CD58: variants seen among roughly 807,000 people sequenced by gnomAD.
CD58 encodes the protein lymphocyte function-associated antigen 3.
A neutral mutation model predicts 27.6 loss-of-function variants in CD58; 14 were observed. That is an observed-to-expected ratio of 0.51 (90% CI 0.34 to 0.79). The LOEUF is 0.79. Ranked by LOEUF, CD58 falls within the 30% of genes least tolerant of loss-of-function variation. CD58 has a pLI of 0.02. For synonymous variants in CD58, 117 were observed against 103.8 expected (o/e 1.13, Z -0.77); for missense variants, 268 against 301.7 (o/e 0.89, Z 0.83).
At position 116,552,017 on chromosome 1, in the gene CD58, G is replaced by T. The variant is rs1658409114; in HGVS notation, c.71-7413C>A. ...GGCCTCCCAAAGTGCTGGGATTACA[G>T]TTGTGAGCCACCACGCCCGGCCACC... On this transcript the variant is annotated intron_variant, in intron 1 of 5. Transcript: ENST00000369489. The surrounding 1 kb of genome is among the most constrained non-coding windows in gnomAD (Gnocchi z 4.5). 6.6e-6 allele frequency among the ~76,000 whole-genome samples: 1 copy of T among 152,232 alleles called. No individual in the cohort carries two copies. The highest frequency in any genetic ancestry group is 6.5e-5 in the Admixed American group (1 of 15,288).
chr1:116,558,515 G>A (rs1001526165), intron 1 of CD58, among the ~76,000 whole-genome samples: 7 of 152,140 alleles, frequency 4.6e-5, no homozygotes, highest in East Asian at 1.9e-4. Flanking sequence ...ATTGAGGAGC[G>A]GCCAATCTCC....
At position 116,531,145 on chromosome 1, in the gene CD58, A is replaced by T. The variant is rs1386328568; in HGVS notation, c.628+4820T>A. On this transcript the variant is annotated intron_variant, in intron 3 of 5. Transcript: ENST00000369489. The surrounding 1 kb of genome is among the most constrained non-coding windows in gnomAD (Gnocchi z 4.5). ...CATTCCTCTTATGATCTTTTACCAG[A>T]CTATTTACAGGGAAAGTAATCTTAC... is the stretch of plus-strand genomic sequence containing the variant. Among the ~76,000 whole-genome samples, 1 of 152,220 alleles carries T rather than the reference A, an allele frequency of 6.6e-6. No homozygotes were observed. Among genetic ancestry groups the T allele is most frequent in the African/African-American group, 2.4e-5 (1 of 41,454 alleles).
chr1:116,544,612 A>G lies in CD58; in HGVS notation c.71-8T>C. 1 of 1,548,808 alleles carries G rather than the reference A, an allele frequency of 6.5e-7. No individual in the cohort carries two copies. Among genetic ancestry groups the G allele is most frequent in the Non-Finnish European group, 8.7e-7 (1 of 1,150,312 alleles). On this transcript the variant is annotated splice_polypyrimidine_tract_variant and splice_region_variant and intron_variant, in intron 1 of 5. Transcript: ENST00000369489. Reference sequence around the variant, plus strand: ...AAAAACAGCTGATGAAACCTAGGAGAGAAAAAAAAATTGGTTAGAAAAAAC... The same window carrying G: ...AAAAACAGCTGATGAAACCTAGGAGGGAAAAAAAAATTGGTTAGAAAAAAC...
chr1:116,533,776 C>T, intron 3 of CD58: 1 of 723,858 alleles, frequency 1.4e-6, no homozygotes, highest in Non-Finnish European at 2.6e-6. Context: ...AAATTCTCTT[C>T]TCTCGTCAAA....
intron 1 of CD58, among the ~76,000 whole-genome samples, chr1:116,567,177 AGAAGG>A (rs536890121): frequency 0.022 from 2,606 of 118,614 alleles, 82 homozygotes; most frequent in African/African-American, 0.058. Flanking sequence ...AAAGAAGGAA[AGAAGG>A]GAAGGGAAGG....
Position 116,521,838 on chromosome 1 carries a change from A to G in CD58, c.706+68T>C. On this transcript the variant is annotated intron_variant, in intron 4 of 5. Transcript: ENST00000369489. This position sits in a 1 kb window ranked among gnomAD's most constrained non-coding sequence, Gnocchi z 5.6. ...ATTTCAAACTTTATTTTCATCCTTAAACTATTTTCTGACCTTTGGAAAACA... is the reference window on the plus strand; with the variant it reads ...ATTTCAAACTTTATTTTCATCCTTAGACTATTTTCTGACCTTTGGAAAACA... 2 of 963,706 alleles carry G rather than the reference A, an allele frequency of 2.1e-6. No individual in the cohort carries two copies. Among genetic ancestry groups the G allele is most frequent in the Non-Finnish European group, 3.2e-6 (2 of 621,098 alleles). The allele number at this position is 963,706 out of a possible 1,614,324, so 59.7% of individuals were successfully genotyped here.
intron 3 of CD58, chr1:116,533,101 A>T: frequency 1.3e-6 from 1 of 746,980 alleles, no homozygotes; most frequent in Non-Finnish European, 2.5e-6. Context: ...AGTACAGCAC[A>T]GCCTGTGGTC....
Position 116,538,047 on chromosome 1 carries a change from C to T in CD58, c.365-1819G>A, listed in dbSNP as rs1485032988. 7.2e-5 allele frequency among the ~76,000 whole-genome samples: 11 copies of T among 152,188 alleles called. No individual in the cohort carries two copies. In the East Asian group the frequency reaches 1.2e-3, roughly 16 times the overall value. On this transcript the variant is annotated intron_variant, in intron 2 of 5. Coordinates refer to ENST00000369489, the MANE Select transcript of CD58 (RefSeq NM_001779.3). The surrounding 1 kb of genome is among the most constrained non-coding windows in gnomAD (Gnocchi z 4.7). ...CTTCTCCTCCTCCTGAATTCCTTCT[C>T]GCTCAGTTAAATAAAGTACCCAGCC...
intron 1 of CD58, among the ~76,000 whole-genome samples, chr1:116,569,241 A>T (rs1352233635): frequency 1.3e-5 from 2 of 152,208 alleles, no homozygotes; most frequent in African/African-American, 4.8e-5. Flanking sequence ...AGCCACCCGC[A>T]CATGAACTCC....
At chr1:116,549,921 G>A (rs1481578143) in intron 1 of CD58, among the ~76,000 whole-genome samples, 1 of 152,048 alleles carries the variant, frequency 6.6e-6, no homozygotes, top group Non-Finnish European at 1.5e-5. Flanking sequence ...TGGTTTCCCA[G>A]GGCATATAAA....
rs543231783 is a variant in CD58 at position 116,516,637 on chromosome 1, C to G, written c.744-1815G>C. Among the ~76,000 whole-genome samples the G allele has an allele frequency of 6.6e-6, 1 of 152,266 alleles. No homozygotes were observed. The highest frequency in any genetic ancestry group is 1.9e-4 in the East Asian group (1 of 5,176). On this transcript the variant is annotated intron_variant, in intron 5 of 5. Coordinates refer to ENST00000369489, the MANE Select transcript of CD58 (RefSeq NM_001779.3). The surrounding 1 kb of genome is among the most constrained non-coding windows in gnomAD (Gnocchi z 6.1). ...CATGTATTTGCCTCCGCTGTTTATC[C>G]CACCTGGAATGCCTTTTCTACTCCA...
At chr1:116,520,750 C>T (rs1657240557) in intron 4 of CD58, among the ~76,000 whole-genome samples, 1 of 152,136 alleles carries the variant, frequency 6.6e-6, no homozygotes, top group Admixed American at 6.5e-5. Context: ...ATATTTTATG[C>T]ATTGGGCAAT....
In CD58 at chr1:116,549,835, T is replaced by C. The variant is rs1658330044; in HGVS notation, c.71-5231A>G. ...ATAATGGATACACACAGGTATAGCTTGAAGATACCGTGGGTTTGGTCCCAG... is the reference window on the plus strand; with the variant it reads ...ATAATGGATACACACAGGTATAGCTCGAAGATACCGTGGGTTTGGTCCCAG... On this transcript the variant is annotated intron_variant, in intron 1 of 5. Transcript: ENST00000369489. Among the ~76,000 whole-genome samples, 5 of 152,160 alleles carry C rather than the reference T, an allele frequency of 3.3e-5. No individual in the cohort carries two copies. The South Asian group carries it at 1.0e-3, about 32-fold the overall frequency.
intron 1 of CD58, among the ~76,000 whole-genome samples, chr1:116,566,982 T>C (rs1231983795): frequency 2.7e-5 from 4 of 149,794 alleles, no homozygotes; most frequent in Non-Finnish European, 4.4e-5. Context: ...CTATAAAAAA[T>C]ACAAAAAAAT....
chr1:116,526,353 TAA>T (rs761535811), intron 3 of CD58, among the ~76,000 whole-genome samples: 1 of 152,200 alleles, frequency 6.6e-6, no homozygotes, highest in Non-Finnish European at 1.5e-5. Context: ...CCATTTTGAG[TAA>T]AATTTTGTGA....
chr1:116,540,454 T>C (rs574344705), intron 2 of CD58, among the ~76,000 whole-genome samples: 1 of 152,354 alleles, frequency 6.6e-6, no homozygotes, highest in Admixed American at 6.5e-5. Context: ...TTGCAGACTC[T>C]TTCTTGGACC....
In CD58 at chr1:116,552,461, C is replaced by A. The variant is rs1283647057; in HGVS notation, c.71-7857G>T. Among the ~76,000 whole-genome samples, 1 of 152,156 alleles carries A rather than the reference C, an allele frequency of 6.6e-6. No individual in the cohort carries two copies. The highest frequency in any genetic ancestry group is 2.4e-5 in the African/African-American group (1 of 41,442). On this transcript the variant is annotated intron_variant, in intron 1 of 5. Coordinates refer to ENST00000369489, the MANE Select transcript of CD58 (RefSeq NM_001779.3). The surrounding 1 kb of genome is among the most constrained non-coding windows in gnomAD (Gnocchi z 4.5). ...ATAAAGTTAGGCACTGATGGACTTG[C>A]TTAAAGCTGGGTTGTCACGAACCTT...
chr1:116,553,313 G>A (rs150158444), intron 1 of CD58, among the ~76,000 whole-genome samples: 5 of 151,848 alleles, frequency 3.3e-5, no homozygotes, highest in Non-Finnish European at 5.9e-5. Context: ...TAATGAAAGT[G>A]TTTATCTTTT....
In CD58 at chr1:116,570,886, G is replaced by A. The variant is rs1251433296; in HGVS notation, c.70+17C>T. On this transcript the variant is annotated intron_variant, in intron 1 of 5. Coordinates refer to ENST00000369489, the MANE Select transcript of CD58 (RefSeq NM_001779.3). The surrounding 1 kb of genome is among the most constrained non-coding windows in gnomAD (Gnocchi z 6.4). Reference sequence around the variant, plus strand: ...CCCGCCGGCCGGCGCGGGGCCCCTGGGGCAGGCTTCACTCACCAAAGCAGT... The same window carrying A: ...CCCGCCGGCCGGCGCGGGGCCCCTGAGGCAGGCTTCACTCACCAAAGCAGT... The A allele has an allele frequency of 1.5e-5, 23 of 1,545,192 alleles. No homozygotes were observed.
Sources: gnomAD v4.1 joint callset for allele counts (sites outside exome capture counted in the v4.1 genomes callset) on GRCh38, gnomAD v4.1.1 for gene constraint, Gnocchi (gnomAD v3.1) non-coding constraint, MANE v1.5 for transcripts, NCBI Gene and HGNC (gene_info 2026-07-23, HGNC 2026-07-21) for gene names.